Variants in MYO18B observed in about 807,000 individuals in gnomAD.
The protein encoded by MYO18B is myosin XVIIIB.
A neutral mutation model predicts 273.0 loss-of-function variants in MYO18B; 204 were observed. The ratio of observed to expected loss-of-function variants is 0.75; its 90% CI spans 0.67 to 0.84. The LOEUF (loss-of-function observed/expected upper bound fraction) is 0.84, where lower values mean the gene tolerates loss of function less well. Among genes scored for constraint, MYO18B ranks in the 40% least tolerant of loss-of-function variants. The probability of loss-of-function intolerance (pLI) is 0.00; values close to 1 mark genes in which losing one functional copy is unlikely to be tolerated. For missense variants in MYO18B, 3,212 were observed against 3,287.6 expected (o/e 0.98, Z 0.56); for synonymous variants, 1,330 against 1,305.7 (o/e 1.02, Z -0.40).
At chr22:26,004,169 G>T (rs1322054797) in intron 41 of MYO18B, among the ~76,000 whole-genome samples, 1 of 151,834 alleles carries the variant, frequency 6.6e-6, no homozygotes, top group Non-Finnish European at 1.5e-5. Flanking sequence ...TATACATAAT[G>T]TTGAATGAGT....
chr22:25,939,585 G>A (rs531958916), intron 34 of MYO18B, among the ~76,000 whole-genome samples: 1 of 152,344 alleles, frequency 6.6e-6, no homozygotes, highest in East Asian at 1.9e-4. Flanking sequence ...GCTGGGTCAT[G>A]TGCCCCTCTT....
chr22:25,951,149 T>G (rs1227104142), intron 37 of MYO18B, among the ~76,000 whole-genome samples: 21 of 152,204 alleles, frequency 1.4e-4, no homozygotes, highest in Admixed American at 1.3e-3. Flanking sequence ...CCCAGCCCAC[T>G]GACTCAGATG....
chr22:26,043,968 C>T, the MYO18B span, among the ~76,000 whole-genome samples: 1 of 152,166 alleles, frequency 6.6e-6, no homozygotes, highest in African/African-American at 2.4e-5. Context: ...GTAAAGGAAT[C>T]CCAGCTCCTC....
intron 34 of MYO18B, among the ~76,000 whole-genome samples, chr22:25,945,609 TC>T (rs1444094822): frequency 6.6e-6 from 1 of 151,716 alleles, no homozygotes; most frequent in East Asian, 1.9e-4. Flanking sequence ...TGTATATTAA[TC>T]CCATGCCTGG....
intron 1 of MYO18B, among the ~76,000 whole-genome samples, chr22:25,752,619 GC>G (rs2085966491): frequency 7.4e-6 from 1 of 134,632 alleles, no homozygotes; most frequent in African/African-American, 2.9e-5. Context: ...CTGCATAGCT[GC>G]AAGCCACAGC....
intron 25 of MYO18B, among the ~76,000 whole-genome samples, chr22:25,879,060 G>C (rs576078237): frequency 6.6e-6 from 1 of 152,244 alleles, no homozygotes; most frequent in South Asian, 2.1e-4. Context: ...GAGTGAAAAT[G>C]AATGAAGAGA....
At position 25,823,718 on chromosome 22, in the gene MYO18B, T is replaced by C. The variant is rs1343565721; in HGVS notation, c.2695+40T>C. On this transcript the variant is annotated intron_variant, in intron 13 of 43. Transcript: ENST00000335473. The stretch of plus-strand genomic sequence containing the variant: ...CCTCTTTGGGTGAGCTGGGCCCCCC[T>C]CTGGGCCAGCTCCTGGGGATACACC... 15 of 1,602,810 alleles carry C rather than the reference T, an allele frequency of 9.4e-6. No individual in the cohort carries two copies. The Admixed American group carries it at 1.8e-4, about 20-fold the overall frequency.
intron 7 of MYO18B, among the ~76,000 whole-genome samples, chr22:25,773,457 G>GATAT (rs199832554): frequency 0.015 from 2,275 of 152,058 alleles, 53 homozygotes; most frequent in African/African-American, 0.051. Context: ...AGCTACTATG[G>GATAT]GTATTTATTT....
rs749791709 is a variant in MYO18B at position 25,763,268 on chromosome 22, C to G, written c.77C>G (p.Pro26Arg). 6.2e-7 allele frequency: 1 copy of G among 1,611,850 alleles called. No individual in the cohort carries two copies. The highest frequency in any genetic ancestry group is 2.2e-5 in the East Asian group (1 of 44,860). Residue 26 changes from proline to arginine, a missense_variant, in exon 3 of 44, where the codon CCC becomes CGC. By Grantham distance (103) the Pro-to-Arg change is moderately radical. Transcript: ENST00000335473. ...GACAAGAGCCCTCCACCATCCTCGC[C>G]CCCTCCTCTTTTCTCTGTCATCCCA... ...EEDKSPPPSS[P>R]PPLFSVIPGG... is the part of the protein sequence containing the mutation.
At chr22:25,886,374 C>G (rs922277596) in intron 25 of MYO18B, among the ~76,000 whole-genome samples, 2 of 152,222 alleles carry the variant, frequency 1.3e-5, no homozygotes, top group African/African-American at 4.8e-5. Flanking sequence ...ACTGAGGCAG[C>G]TCTGGGGGCA....
intron 13 of MYO18B, among the ~76,000 whole-genome samples, chr22:25,824,445 G>A (rs933728834): frequency 4.6e-5 from 7 of 152,134 alleles, no homozygotes; most frequent in Admixed American, 6.5e-5. Context: ...TTGAACTGCC[G>A]TGGGGGAAAA....
intron 41 of MYO18B, among the ~76,000 whole-genome samples, chr22:26,004,067 G>A (rs911154844): frequency 1.6e-4 from 24 of 151,164 alleles, no homozygotes; most frequent in East Asian, 5.8e-4. Context: ...TAAATAGAGC[G>A]TCCTATTAAA....
At chr22:25,811,306 A>T (rs9608425) in intron 12 of MYO18B, among the ~76,000 whole-genome samples, 83,082 of 151,920 alleles carry the variant, frequency 0.55, 26,625 homozygotes, top group Non-Finnish European at 0.71. Flanking sequence ...TACAGGCATG[A>T]GCCACCGCGC....
chr22:26,056,193 T>C, the MYO18B span, among the ~76,000 whole-genome samples: 3 of 152,246 alleles, frequency 2.0e-5, no homozygotes, highest in Non-Finnish European at 4.4e-5. Context: ...CAGCCGTAGC[T>C]GGTTGAGCTC....
At position 25,883,883 on chromosome 22, in the gene MYO18B, C is replaced by T. The variant is rs2091418783; in HGVS notation, c.4314+5835C>T. 1.3e-5 allele frequency among the ~76,000 whole-genome samples: 2 copies of T among 152,212 alleles called. No homozygotes were observed. Among genetic ancestry groups the T allele is most frequent in the Non-Finnish European group, 2.9e-5 (2 of 68,036 alleles). ...TAAGAATCTGGCTATAAATACTCTTCAAGCATGCAAAATGTGCCTTGATGC... is the reference window on the plus strand; with the variant it reads ...TAAGAATCTGGCTATAAATACTCTTTAAGCATGCAAAATGTGCCTTGATGC... On this transcript the variant is annotated intron_variant, in intron 25 of 43. Transcript: ENST00000335473. This position sits in a 1 kb window ranked among gnomAD's most constrained non-coding sequence, Gnocchi z 7.6.
At position 25,768,367 on chromosome 22, in the gene MYO18B, G is replaced by A. The variant is rs1432306644; in HGVS notation, c.451G>A (p.Gly151Ser). 1 of 1,613,850 alleles carries A rather than the reference G, an allele frequency of 6.2e-7. No individual in the cohort carries two copies. The change falls in exon 4 of 44, where the codon GGT (glycine) becomes AGT (serine). Residue 151 changes from glycine to serine, a missense_variant. By Grantham distance (56) the Gly-to-Ser change is moderately conservative. Coordinates refer to ENST00000335473, the MANE Select transcript of MYO18B (RefSeq NM_032608.7). The part of the protein sequence containing the change: ...TVPFKRGVRR[G>S]DVLLMVAKLD... The stretch of plus-strand genomic sequence containing the variant: ...CCCCTTCAAGAGGGGCGTGAGGAGG[G>A]GTGATGTGTTGTTGATGGTGGCCAA...
chr22:25,954,572 GTC>G (rs1367534993), intron 38 of MYO18B, among the ~76,000 whole-genome samples: 1 of 152,112 alleles, frequency 6.6e-6, no homozygotes, highest in Non-Finnish European at 1.5e-5. Flanking sequence ...CATCATCCCT[GTC>G]TCTCAGAGGG....
chr22:25,814,038 C>T (rs185439660), intron 12 of MYO18B, among the ~76,000 whole-genome samples: 1 of 152,252 alleles, frequency 6.6e-6, no homozygotes, highest in East Asian at 1.9e-4. Flanking sequence ...GGGATGTAAA[C>T]AATTAAATAT....
intron 17 of MYO18B, among the ~76,000 whole-genome samples, chr22:25,836,962 CAAAATAATAATAATA>C (rs1417784761): frequency 8.6e-6 from 1 of 116,728 alleles, no homozygotes; most frequent in Non-Finnish European, 1.8e-5. Context: ...AATTCCATCT[CAAAATAATAATAATA>C]ATAATAATAA....
Sources: gnomAD v4.1 joint callset for allele counts (sites outside exome capture counted in the v4.1 genomes callset) on GRCh38, gnomAD v4.1.1 for gene constraint, Gnocchi (gnomAD v3.1) non-coding constraint, MANE v1.5 for transcripts, NCBI Gene and HGNC (gene_info 2026-07-23, HGNC 2026-07-21) for gene names.